Variants in MALRD1 observed in about 807,000 individuals in gnomAD.
MALRD1 encodes MAM and LDL receptor class A domain containing 1, also known as MAM and LDL-receptor class A domain-containing protein 1.
In MALRD1, 247 loss-of-function variants were observed where a neutral mutation model predicts 242.1. The ratio of observed to expected loss-of-function variants is 1.02; its 90% CI spans 0.92 to 1.13. MALRD1 has a LOEUF of 1.13. Among genes scored for constraint, MALRD1 ranks in the 50% most tolerant of loss-of-function variants. The probability of loss-of-function intolerance (pLI) is 0.00; values close to 1 mark genes in which losing one functional copy is unlikely to be tolerated. For synonymous variants in MALRD1, 995 were observed against 866.6 expected (o/e 1.15, Z -2.60); for missense variants, 2,989 against 2,533.1 (o/e 1.18, Z -3.86).
intron 36 of MALRD1, among the ~76,000 whole-genome samples, chr10:19,637,440 T>C (rs1253135516): frequency 1.3e-5 from 2 of 152,184 alleles, no homozygotes; most frequent in Admixed American, 6.5e-5. Flanking sequence ...AGTTGATTAA[T>C]TGTCACCAGG....
rs1014571282 is a variant in MALRD1, at chr10:19,447,301, C to T, written c.4846-3006C>T. On this transcript the variant is annotated intron_variant, in intron 28 of 39. Coordinates refer to ENST00000454679, the MANE Select transcript of MALRD1 (RefSeq NM_001142308.3). ...TGAATGAATGGATAAGGAAATAAAC[C>T]TCCATTCCACATTTAGATGAGTATT... Among the ~76,000 whole-genome samples, 4 of 152,042 alleles carry T rather than the reference C, an allele frequency of 2.6e-5. No homozygotes were observed. In the East Asian group the frequency reaches 7.7e-4, roughly 29 times the overall value.
intron 36 of MALRD1, among the ~76,000 whole-genome samples, chr10:19,689,046 T>A: frequency 6.6e-6 from 1 of 152,154 alleles, no homozygotes; most frequent in East Asian, 1.9e-4. Context: ...GCACTAAAAA[T>A]ATATATTTAT....
intron 11 of MALRD1, among the ~76,000 whole-genome samples, chr10:19,152,167 C>T (rs1216611179): frequency 6.6e-6 from 1 of 152,064 alleles, no homozygotes; most frequent in African/African-American, 2.4e-5. Context: ...ATCTGATTAC[C>T]AGAAGTAAAC....
At chr10:19,365,762 C>T (rs528913230) in intron 26 of MALRD1, among the ~76,000 whole-genome samples, 2 of 151,082 alleles carry the variant, frequency 1.3e-5, no homozygotes, top group Non-Finnish European at 2.9e-5. Context: ...ATCTTCTCAC[C>T]TTATCCTTTC....
intron 29 of MALRD1, among the ~76,000 whole-genome samples, chr10:19,465,822 C>G (rs1337744973): frequency 2.0e-5 from 3 of 152,198 alleles, no homozygotes; most frequent in African/African-American, 7.2e-5. Context: ...AGCCACCATG[C>G]TTGGCCTCTC....
At chr10:19,124,439 T>C (rs10450317) in intron 6 of MALRD1, 85 bp from the exon 7 acceptor site, 311,190 of 1,142,948 alleles carry the variant, frequency 0.27, 43,943 homozygotes, top group African/African-American at 0.43. Context: ...GTATATAAGC[T>C]TTTTGGTTGA....
intron 26 of MALRD1, among the ~76,000 whole-genome samples, chr10:19,379,747 A>G (rs575536576): frequency 6.6e-6 from 1 of 152,200 alleles, no homozygotes; most frequent in Non-Finnish European, 1.5e-5. Context: ...AACAATGTAT[A>G]TTCTGTTCTT....
At chr10:19,633,185 C>A (rs1008798680) in intron 36 of MALRD1, among the ~76,000 whole-genome samples, 1 of 152,054 alleles carries the variant, frequency 6.6e-6, no homozygotes, top group East Asian at 1.9e-4. Flanking sequence ...GAGCCAAGAT[C>A]GTGACACTGC....
chr10:19,456,811 T>C (rs887570227), intron 29 of MALRD1, among the ~76,000 whole-genome samples: 15 of 150,572 alleles, frequency 1.0e-4, no homozygotes, highest in African/African-American at 3.7e-4. Flanking sequence ...TCTCGCTCTG[T>C]CGCCAGGCTG....
intron 32 of MALRD1, among the ~76,000 whole-genome samples, chr10:19,533,686 TATC>T (rs1834528601): frequency 1.3e-5 from 2 of 152,114 alleles, no homozygotes; most frequent in Non-Finnish European, 2.9e-5. Context: ...AATGACCAGA[TATC>T]ATGAGAACTC....
At chr10:19,242,700 A>T (rs972265097) in intron 18 of MALRD1, among the ~76,000 whole-genome samples, 2 of 151,928 alleles carry the variant, frequency 1.3e-5, no homozygotes, top group Non-Finnish European at 2.9e-5. Context: ...TTTTTTATAT[A>T]GTTTTTTTAT....
intron 36 of MALRD1, among the ~76,000 whole-genome samples, chr10:19,628,190 A>T (rs1014832381): frequency 1.3e-5 from 2 of 152,178 alleles, no homozygotes; most frequent in Non-Finnish European, 2.9e-5. Context: ...AGCTTGTGGG[A>T]CTATAGCTTT....
chr10:19,351,202 G>A (rs1194773113), intron 25 of MALRD1, among the ~76,000 whole-genome samples: 1 of 152,098 alleles, frequency 6.6e-6, no homozygotes, highest in African/African-American at 2.4e-5. Flanking sequence ...TTTCATCACT[G>A]TTTTCCCTCA....
chr10:19,577,048 G>C (rs1417046776), intron 33 of MALRD1, among the ~76,000 whole-genome samples: 3 of 142,094 alleles, frequency 2.1e-5, no homozygotes, highest in Non-Finnish European at 4.6e-5. Context: ...TAAATTTCAA[G>C]TCAATATATA....
Position 19,331,480 on chromosome 10 carries a change from C to T in MALRD1, c.3799C>T (p.His1267Tyr). 2 of 1,550,394 alleles carry T rather than the reference C, an allele frequency of 1.3e-6. No homozygotes were observed. The highest frequency in any genetic ancestry group is 2.4e-5 in the South Asian group (2 of 84,052). ...LLSPERKCTD[H>Y]EFMCANKHCI... is the part of the protein sequence containing the mutation. ...TAGCCCAGAGAGAAAGTGTACTGAT[C>T]ATGAATTCATGTGTGCTAATAAGCA... is the stretch of plus-strand genomic sequence containing the variant. Residue 1267 changes from histidine (H) to tyrosine (Y), a missense_variant, in exon 24 of 40, where the codon CAT becomes TAT. His to Tyr is a moderately conservative substitution (Grantham distance 83). Transcript: ENST00000454679.
intron 29 of MALRD1, among the ~76,000 whole-genome samples, chr10:19,486,365 T>G (rs893237317): frequency 1.1e-4 from 16 of 152,216 alleles, no homozygotes; most frequent in African/African-American, 1.9e-4. Context: ...GCTCCTTTCA[T>G]GCCTTCAATG....
chr10:19,225,682 C>T (rs1404958168), intron 18 of MALRD1, among the ~76,000 whole-genome samples: 2 of 152,100 alleles, frequency 1.3e-5, no homozygotes, highest in Non-Finnish European at 2.9e-5. Flanking sequence ...ATAACTTCAC[C>T]TAAAGTATAA....
At chr10:19,286,850 G>T (rs961869919) in intron 21 of MALRD1, among the ~76,000 whole-genome samples, 3 of 150,368 alleles carry the variant, frequency 2.0e-5, no homozygotes, top group African/African-American at 7.3e-5. Flanking sequence ...TACCAAAGCC[G>T]GGCAGAGACA....
At chr10:19,163,137 TAAAAAAAAA>T (rs58034381) in intron 12 of MALRD1, among the ~76,000 whole-genome samples, 474 of 43,850 alleles carry the variant, frequency 0.011, 12 homozygotes, top group African/African-American at 0.037. Flanking sequence ...AAACCCTGTC[TAAAAAAAAA>T]AAAAAAAAAA....
Sources: gnomAD v4.1 joint callset for allele counts (sites outside exome capture counted in the v4.1 genomes callset) on GRCh38, gnomAD v4.1.1 for gene constraint, MANE v1.5 for transcripts, NCBI Gene and HGNC (gene_info 2026-07-23, HGNC 2026-07-21) for gene names.